Variants in SMG1 observed in about 807,000 individuals in gnomAD.
The protein encoded by SMG1 is SMG1 nonsense mediated mRNA decay associated PI3K related kinase, also known as serine/threonine-protein kinase SMG1.
In SMG1, 22 loss-of-function variants were observed where a neutral mutation model predicts 419.9. The ratio of observed to expected loss-of-function variants is 0.05; its 90% confidence interval spans 0.04 to 0.07. The LOEUF (loss-of-function observed/expected upper bound fraction) is 0.07. Among genes scored for constraint, SMG1 ranks in the 10% least tolerant of loss-of-function variants. SMG1 has a pLI of 1.00. For synonymous variants in SMG1, 1,538 were observed against 1,553.5 expected (o/e 0.99, Z 0.23); for missense variants, 3,185 against 4,342.0 (o/e 0.73, Z 7.49).
In SMG1 at chr16:18,837,281, C is replaced by T; in HGVS notation, c.7576G>A (p.Asp2526Asn). ...TGTTGCAGAGTATGAGAAGGATGATCCACCCCTTCAGCTCCTTCTAGAAAC... is the reference window on the plus strand; with the variant it reads ...TGTTGCAGAGTATGAGAAGGATGATTCACCCCTTCAGCTCCTTCTAGAAAC... ...IEFLEGAEGV[D>N]HPSHTLQHRY... is the part of the protein sequence containing the mutation. Residue 2526 changes from aspartate (D) to asparagine (N), a missense_variant, in exon 46 of 63, where the codon GAT (aspartate) becomes AAT (asparagine). Coordinates refer to ENST00000446231, the MANE Select transcript of SMG1 (RefSeq NM_015092.5). 6.2e-7 allele frequency: 1 copy of T among 1,613,812 alleles called. No homozygotes were observed. The highest frequency in any genetic ancestry group is 8.5e-7 in the Non-Finnish European group (1 of 1,179,802).
intron 23 of SMG1, among the ~76,000 whole-genome samples, chr16:18,865,748 C>T (rs1294166488): frequency 1.3e-5 from 2 of 151,792 alleles, no homozygotes; most frequent in Non-Finnish European, 2.9e-5. Context: ...CAGCAACCTC[C>T]GCCTCCCAGG....
chr16:18,830,396 C>A lies in SMG1; in HGVS notation c.8793-27G>T, dbSNP rs1267800565. ...TACAGAAAAACAAAAGGAGTTAAAACCTTCGCTGAAAAGTAATGCCTTTGG... is the reference window on the plus strand; with the variant it reads ...TACAGAAAAACAAAAGGAGTTAAAAACTTCGCTGAAAAGTAATGCCTTTGG... On this transcript the variant is annotated intron_variant, in intron 51 of 62. Transcript: ENST00000446231. 3.7e-6 allele frequency: 6 copies of A among 1,612,192 alleles called. No homozygotes were observed. The African/African-American group carries it at 6.7e-5, about 18-fold the overall frequency.
chr16:18,919,687 C>T (rs1303757950), intron 1 of SMG1, among the ~76,000 whole-genome samples: 2 of 143,112 alleles, frequency 1.4e-5, no homozygotes, highest in African/African-American at 5.3e-5. Flanking sequence ...CACACACACA[C>T]ACACACACAC....
At position 18,817,409 on chromosome 16, in the gene SMG1, G is replaced by C. The variant is rs1215826446; in HGVS notation, c.9956C>G (p.Ala3319Gly). ...FESLRTRTAE[A>G]LNLDAALFEL... ...AAATAACGCCGCATCCAGGTTTAAG[G>C]CTTCTGCAGTTCTTGTTCGTAAACT... Residue 3319 changes from alanine to glycine, a missense_variant, in exon 57 of 63, where the codon GCC becomes GGC. Coordinates refer to ENST00000446231, the MANE Select transcript of SMG1 (RefSeq NM_015092.5). 9 of 1,603,506 alleles carry C rather than the reference G, an allele frequency of 5.6e-6. No homozygotes were observed. Among genetic ancestry groups the C allele is most frequent in the Admixed American group, 1.7e-5 (1 of 58,294 alleles).
chr16:18,864,268 T>C, intron 23 of SMG1, 124 bp from the exon 24 acceptor site: 1 of 796,568 alleles, frequency 1.3e-6, no homozygotes, highest in South Asian at 2.1e-5. Context: ...CTGTCTCAGC[T>C]CAATGCAACC....
In SMG1 at chr16:18,852,119, T is replaced by C. The variant is rs752271511; in HGVS notation, c.5000A>G (p.Glu1667Gly). 2 of 1,613,708 alleles carry C rather than the reference T, an allele frequency of 1.2e-6. No individual in the cohort carries two copies. Among genetic ancestry groups the C allele is most frequent in the African/African-American group, 1.3e-5 (1 of 74,902 alleles). The change falls in exon 33 of 63, where the codon GAG becomes GGG. Residue 1667 changes from glutamate to glycine, a missense_variant. Physicochemically the swap from Glu to Gly is moderately conservative, Grantham distance 98. Around this residue, in one of 27 missense-constraint regions of SMG1, gnomAD observed 493 missense variants for 552.9 expected, o/e 0.89. Coordinates refer to ENST00000446231, the MANE Select transcript of SMG1 (RefSeq NM_015092.5). The part of the protein sequence containing the change: ...LPDTITEEEK[E>G]RIYGILGQAV... ...CTGTCCAAGAATACCATATATTCTC[T>C]CTTTCTCTTCCTCAGTTATAGTGTC...
intron 41 of SMG1, among the ~76,000 whole-genome samples, chr16:18,841,341 T>A (rs1413186882): frequency 7.1e-6 from 1 of 141,604 alleles, no homozygotes; most frequent in African/African-American, 2.7e-5. Flanking sequence ...GAAGTTGCAG[T>A]GACCCAAAAC....
chr16:18,859,944 C>A (rs553419950), intron 26 of SMG1, among the ~76,000 whole-genome samples: 10 of 152,298 alleles, frequency 6.6e-5, no homozygotes, highest in Non-Finnish European at 1.3e-4. Flanking sequence ...CGAGGCCAGG[C>A]GTGGTGGCTC....
At chr16:18,880,287 G>A (rs1200428641) in intron 10 of SMG1, among the ~76,000 whole-genome samples, 2 of 151,948 alleles carry the variant, frequency 1.3e-5, no homozygotes, top group East Asian at 1.9e-4. Context: ...TAACTATAAT[G>A]GCCAATAATT....
chr16:18,885,499 C>T (rs1277352952), intron 7 of SMG1, 42 bp downstream of exon 7: 3 of 1,594,090 alleles, frequency 1.9e-6, no homozygotes, highest in East Asian at 2.2e-5. Context: ...ACACAACCAT[C>T]CCCCTCACCC....
At chr16:18,899,454 AT>A (rs1470112183) in intron 1 of SMG1, among the ~76,000 whole-genome samples, 1 of 152,158 alleles carries the variant, frequency 6.6e-6, no homozygotes, top group Non-Finnish European at 1.5e-5. Flanking sequence ...TTTAATACAA[AT>A]TGATCAAAGC....
chr16:18,907,217 G>A (rs2141931683), intron 1 of SMG1, among the ~76,000 whole-genome samples: 1 of 152,008 alleles, frequency 6.6e-6, no homozygotes, highest in South Asian at 2.1e-4. Context: ...AGGAGGCGGA[G>A]GTTGCAGTGA....
At position 18,853,609 on chromosome 16, in the gene SMG1, T is replaced by C; in HGVS notation, c.4742A>G (p.Tyr1581Cys). The change falls in exon 31 of 63, where the codon TAT becomes TGT. Residue 1581 changes from tyrosine to cysteine, a missense_variant. Coordinates refer to ENST00000446231, the MANE Select transcript of SMG1 (RefSeq NM_015092.5). ...TGTAGATTCACTCTCGATCCGAGGA[T>C]ACTCTTCTTCCATCGTATTAACAGA... is the stretch of plus-strand genomic sequence containing the variant. ...LPSVNTMEEE[Y>C]PRIESESTVH... 6.2e-7 allele frequency: 1 copy of C among 1,606,278 alleles called. No homozygotes were observed. The highest frequency in any genetic ancestry group is 8.5e-7 in the Non-Finnish European group (1 of 1,175,580).
chr16:18,885,465 A>G, intron 7 of SMG1, 76 bp downstream of exon 7: 1 of 1,555,992 alleles, frequency 6.4e-7, no homozygotes, highest in Non-Finnish European at 8.7e-7. Flanking sequence ...ATTGTTTTCC[A>G]TCTGTTTCCT....
chr16:18,836,593 C>T (rs2033589223), intron 46 of SMG1, 61 bp from the exon 47 acceptor site: 3 of 1,565,876 alleles, frequency 1.9e-6, no homozygotes, highest in African/African-American at 2.7e-5. Flanking sequence ...CACATACTTT[C>T]CTACCCTGGA....
chr16:18,857,498 G>T (rs2034978137), intron 29 of SMG1: 1 of 152,138 alleles, frequency 6.6e-6, no homozygotes, highest in Non-Finnish European at 1.5e-5. Context: ...AAATACAAAT[G>T]AAATACACTC....
At position 18,852,116 on chromosome 16, in the gene SMG1, C is replaced by G. The variant is rs767089560; in HGVS notation, c.5003G>C (p.Arg1668Thr). ...AGCCTGTCCAAGAATACCATATATT[C>G]TCTCTTTCTCTTCCTCAGTTATAGT... ...PDTITEEEKE[R>T]IYGILGQAVC... Residue 1668 changes from arginine to threonine, a missense_variant, in exon 33 of 63, where the codon AGA (arginine) becomes ACA (threonine). Around this residue, in one of 27 missense-constraint regions of SMG1, gnomAD observed 493 missense variants for 552.9 expected, o/e 0.89. Coordinates refer to ENST00000446231, the MANE Select transcript of SMG1 (RefSeq NM_015092.5). 1.2e-6 allele frequency: 2 copies of G among 1,613,638 alleles called. No homozygotes were observed. Among genetic ancestry groups the G allele is most frequent in the African/African-American group, 2.7e-5 (2 of 74,900 alleles).
rs2031101245 is a variant in SMG1, at chr16:18,808,868, G to GCTGA, written c.*700_*701insTCAG. 2 of 152,574 alleles carry GCTGA rather than the reference G, an allele frequency of 1.3e-5. No individual in the cohort carries two copies. Among genetic ancestry groups the GCTGA allele is most frequent in the Admixed American group, 6.5e-5 (1 of 15,268 alleles). The allele number at this position is 152,574 out of a possible 1,614,324, so 9.5% of individuals were successfully genotyped here. A position where few individuals can be genotyped will look rare whatever the true frequency, so the allele number is the denominator to read the frequency against. ...GAAATAAAAGTGAATTTGAAAGATG[G>GCTGA]CTAATCTACTAGATTAGGTAAAGGG... On this transcript the variant is annotated 3_prime_UTR_variant, in exon 63 of 63. Coordinates refer to ENST00000446231, the MANE Select transcript of SMG1 (RefSeq NM_015092.5).
At chr16:18,907,841 G>C (rs1185566019) in intron 1 of SMG1, among the ~76,000 whole-genome samples, 1 of 60,632 alleles carries the variant, frequency 1.6e-5, no homozygotes, top group African/African-American at 7.2e-5. Context: ...GACAGAACGA[G>C]ACTCAAAAAA....
Sources: allele counts gnomAD v4.1 joint callset (sites outside exome capture counted in the v4.1 genomes callset), GRCh38; gene constraint gnomAD v4.1.1; regional missense constraint gnomAD v4.1.1; transcripts MANE v1.5; gene names NCBI Gene and HGNC (gene_info 2026-07-23, HGNC 2026-07-21).